The following SEMA6D variants were observed in gnomAD, a reference collection of about 807,000 sequenced individuals.
SEMA6D encodes the protein semaphorin-6D.
Under a neutral mutation model 106.6 loss-of-function variants are expected in SEMA6D, and 35 were observed. The ratio of observed to expected loss-of-function variants is 0.33; its 90% CI spans 0.25 to 0.44. The LOEUF (loss-of-function observed/expected upper bound fraction) is 0.44, where lower values mean the gene tolerates loss of function less well. Ranked by LOEUF, SEMA6D falls within the 20% of genes least tolerant of loss-of-function variation. The pLI is 1.00. For synonymous variants in SEMA6D, 499 were observed against 487.7 expected, an observed-to-expected ratio of 1.02 and a Z score of -0.31; for missense variants, 1,185 against 1,345.9, an observed-to-expected ratio of 0.88 and a Z score of 1.87.
chr15:47,270,767 G>A (rs1002761182), intron 1 of SEMA6D, among the ~76,000 whole-genome samples: 12 of 152,040 alleles, frequency 7.9e-5, no homozygotes, highest in Admixed American at 1.3e-4. Flanking sequence ...GCCAAGGCAG[G>A]CAGATTGCCT....
At chr15:47,393,451 G>A (rs1248440820) in intron 1 of SEMA6D, 1 of 152,188 alleles carries the variant, frequency 6.6e-6, no homozygotes, top group Non-Finnish European at 1.5e-5. Flanking sequence ...CATCAGCCAA[G>A]TGCCTAAAAG....
At position 47,234,712 on chromosome 15, in the gene SEMA6D, G is replaced by A. The variant is rs145716590; in HGVS notation, c.-239+50294G>A. ...TTGTGGCTGATTAGTATTCCATGGT[G>A]TATATATTATCACATTTTCTTTATC... On this transcript the variant is annotated intron_variant, in intron 1 of 19. Transcript: ENST00000558014. Among the ~76,000 whole-genome samples, 1,289 of 152,090 alleles carry A rather than the reference G, an allele frequency of 8.5e-3. 26 individuals carry two copies. Among genetic ancestry groups the A allele is most frequent in the African/African-American group, 0.03 (1,229 of 41,514 alleles).
intron 2 of SEMA6D, among the ~76,000 whole-genome samples, chr15:47,430,467 C>T (rs1383973451): frequency 6.6e-6 from 1 of 151,726 alleles, no homozygotes; most frequent in Non-Finnish European, 1.5e-5. Flanking sequence ...ATTGTGCTTC[C>T]TCAAAAATAA....
At chr15:47,194,499 G>A (rs1894197436) in intron 1 of SEMA6D, among the ~76,000 whole-genome samples, 1 of 151,992 alleles carries the variant, frequency 6.6e-6, no homozygotes, top group African/African-American at 2.4e-5. Flanking sequence ...TTAAGGTGTT[G>A]GTAGTCCAGG....
At chr15:47,739,149 G>A (rs563062110) in intron 1 of SEMA6D, among the ~76,000 whole-genome samples, 1 of 152,280 alleles carries the variant, frequency 6.6e-6, no homozygotes, top group East Asian at 1.9e-4. Flanking sequence ...CAGATTCACA[G>A]GGAGGATATA....
intron 3 of SEMA6D, among the ~76,000 whole-genome samples, chr15:47,480,076 T>G (rs1051424732): frequency 1.3e-5 from 2 of 151,680 alleles, no homozygotes; most frequent in African/African-American, 4.9e-5. Context: ...TAGCCTAGTC[T>G]TGAACCCCTG....
At chr15:47,396,891 A>G (rs1487759121) in intron 1 of SEMA6D, among the ~76,000 whole-genome samples, 1 of 152,194 alleles carries the variant, frequency 6.6e-6, no homozygotes, top group Non-Finnish European at 1.5e-5. Context: ...TAAAGGTACT[A>G]AAATATCAAG....
At chr15:47,265,618 A>AT in intron 1 of SEMA6D, among the ~76,000 whole-genome samples, 1 of 151,142 alleles carries the variant, frequency 6.6e-6, no homozygotes, top group East Asian at 2.0e-4. Context: ...TTGTTAACTT[A>AT]TTTTTCTTAG....
At chr15:47,272,380 CAA>C (rs1037523785) in intron 1 of SEMA6D, among the ~76,000 whole-genome samples, 6 of 152,126 alleles carry the variant, frequency 3.9e-5, no homozygotes, top group African/African-American at 1.4e-4. Context: ...CAAAATAGCA[CAA>C]AGACATTGAA....
chr15:47,749,746 G>A (rs1254507814), intron 1 of SEMA6D, among the ~76,000 whole-genome samples: 1 of 152,208 alleles, frequency 6.6e-6, no homozygotes, highest in East Asian at 1.9e-4. Flanking sequence ...TGGTGGACGT[G>A]TGATCTGGGA....
chr15:47,609,437 A>G (rs73390971), intron 4 of SEMA6D, among the ~76,000 whole-genome samples: 4,969 of 152,214 alleles, frequency 0.033, 270 homozygotes, highest in African/African-American at 0.11. Flanking sequence ...TTAAAAACAG[A>G]AAACAGAAGA....
rs372146904 is a variant in SEMA6D, at chr15:47,215,474, T to G, written c.-239+31056T>G. The stretch of plus-strand genomic sequence containing the variant: ...GAGTAACACAAATATGCTATTAATA[T>G]ATTTTTGTTCAGATACTGTTTTATA... On this transcript the variant is annotated intron_variant, in intron 1 of 19. Transcript: ENST00000558014. Among the ~76,000 whole-genome samples, 49 of 152,314 alleles carry G rather than the reference T, an allele frequency of 3.2e-4. 3 individuals carry two copies. In the East Asian group the frequency reaches 3.9e-3, roughly 12 times the overall value.
intron 4 of SEMA6D, among the ~76,000 whole-genome samples, chr15:47,679,813 G>A (rs2078315137): frequency 6.6e-6 from 1 of 152,162 alleles, no homozygotes; most frequent in Non-Finnish European, 1.5e-5. Context: ...ATCTTTGGCT[G>A]TTTGGTCCCC....
At chr15:47,643,646 G>A (rs1435741) in intron 4 of SEMA6D, among the ~76,000 whole-genome samples, 50,989 of 152,012 alleles carry the variant, frequency 0.34, 10,268 homozygotes, top group Middle Eastern at 0.49. Context: ...GGCAGTAGTC[G>A]TACATATCAT....
chr15:47,443,209 C>A (rs1364535263), intron 2 of SEMA6D, among the ~76,000 whole-genome samples: 1 of 152,124 alleles, frequency 6.6e-6, no homozygotes, highest in Non-Finnish European at 1.5e-5. Flanking sequence ...TCCCTACACA[C>A]CTCTCATTGA....
At chr15:47,747,593 C>G (rs531599703) in intron 1 of SEMA6D, among the ~76,000 whole-genome samples, 2 of 152,248 alleles carry the variant, frequency 1.3e-5, no homozygotes, top group South Asian at 4.1e-4. Context: ...GAGGAAAACA[C>G]TGATTTTAAG....
intron 1 of SEMA6D, among the ~76,000 whole-genome samples, chr15:47,285,067 A>G (rs11070576): frequency 0.99 from 150,836 of 152,316 alleles, 74,695 homozygotes; most frequent in Middle Eastern, 1. Context: ...TCTTCCCAAG[A>G]CTGCAGCCAT....
chr15:47,594,804 A>G (rs1369634), intron 3 of SEMA6D, among the ~76,000 whole-genome samples: 26,355 of 152,144 alleles, frequency 0.17, 2,635 homozygotes, highest in African/African-American at 0.25. Context: ...GAAAGGCTCC[A>G]TAGAAATAGT....
chr15:47,662,893 A>C (rs1008956164), intron 4 of SEMA6D, among the ~76,000 whole-genome samples: 2 of 144,240 alleles, frequency 1.4e-5, no homozygotes, highest in Admixed American at 6.9e-5. Context: ...ACACACCATG[A>C]ATCATTTGGA....
Sources: allele counts gnomAD v4.1 joint callset (sites outside exome capture counted in the v4.1 genomes callset), GRCh38; gene constraint gnomAD v4.1.1; transcripts MANE v1.5; gene names NCBI Gene and HGNC (gene_info 2026-07-23, HGNC 2026-07-21).